SHISA9: variants seen among roughly 807,000 people sequenced by gnomAD.
SHISA9 encodes protein shisa-9.
In SHISA9, 13 loss-of-function variants were observed where a neutral mutation model predicts 38.0. That is an observed-to-expected ratio of 0.34 (90% CI 0.22 to 0.54). SHISA9 has a LOEUF of 0.54. SHISA9 is among the 20% of genes least tolerant of loss of function. SHISA9 has a pLI of 0.91. For missense variants in SHISA9, 538 were observed against 575.8 expected (o/e 0.93, Z 0.67); for synonymous variants, 275 against 242.0 (o/e 1.14, Z -1.27).
chr16:13,500,566 A>C, the SHISA9 span, among the ~76,000 whole-genome samples: 1 of 151,346 alleles, frequency 6.6e-6, no homozygotes. Context: ...AAGTGAGAGA[A>C]AGAGAAATAG....
At chr16:13,233,198 A>G (rs1250233371) in intron 4 of SHISA9, among the ~76,000 whole-genome samples, 2 of 152,144 alleles carry the variant, frequency 1.3e-5, no homozygotes, top group Non-Finnish European at 2.9e-5. Flanking sequence ...CAGACCCCTT[A>G]GATAGAAATC....
rs566146949 is a variant in SHISA9 at position 13,158,756 on chromosome 16, A to T, written c.692-44638A>T. On this transcript the variant is annotated intron_variant, in intron 2 of 4. Transcript: ENST00000558583. ...AACATAGGAGAAGGTGATGAAGATGATTTTAAAAACACAGCAAAGCCCAGG... is the reference window on the plus strand; with the variant it reads ...AACATAGGAGAAGGTGATGAAGATGTTTTTAAAAACACAGCAAAGCCCAGG... 2.0e-5 allele frequency among the ~76,000 whole-genome samples: 3 copies of T among 152,252 alleles called. 1 individual carries two copies. Among genetic ancestry groups the T allele is most frequent in the African/African-American group, 7.2e-5 (3 of 41,560 alleles).
At chr16:13,507,021 T>C in the SHISA9 span, among the ~76,000 whole-genome samples, 702 of 151,966 alleles carry the variant, frequency 4.6e-3, 7 homozygotes, top group African/African-American at 0.016. Flanking sequence ...CCCTGCTGGG[T>C]AACAGAACAA....
chr16:13,065,515 G>T (rs1275388520), intron 2 of SHISA9, among the ~76,000 whole-genome samples: 1 of 152,224 alleles, frequency 6.6e-6, no homozygotes, highest in Non-Finnish European at 1.5e-5. Context: ...TTTAGCACTT[G>T]ATATAAAAAA....
intron 2 of SHISA9, among the ~76,000 whole-genome samples, chr16:13,069,273 C>T (rs549741760): frequency 2.3e-4 from 34 of 149,546 alleles, no homozygotes; most frequent in African/African-American, 7.7e-4. Context: ...GCAATGTGTG[C>T]GTGTGTGTAC....
At chr16:13,123,573 ATCTT>A (rs961886513) in intron 2 of SHISA9, among the ~76,000 whole-genome samples, 2 of 152,260 alleles carry the variant, frequency 1.3e-5, no homozygotes, top group Non-Finnish European at 2.9e-5. Flanking sequence ...GGTGGATTCT[ATCTT>A]TGTGAAAACA....
intron 2 of SHISA9, among the ~76,000 whole-genome samples, chr16:13,038,129 A>G (rs1337014154): frequency 6.6e-6 from 1 of 152,160 alleles, no homozygotes. Flanking sequence ...AGCTGGGATT[A>G]CAGGTGTGCA....
At chr16:13,211,323 A>AG (rs765659174) in intron 3 of SHISA9, among the ~76,000 whole-genome samples, 113 of 144,124 alleles carry the variant, frequency 7.8e-4, no homozygotes, top group Admixed American at 1.7e-3. Flanking sequence ...GAAAAAAAAA[A>AG]GAAAGTAAAA....
intron 2 of SHISA9, among the ~76,000 whole-genome samples, chr16:12,988,181 A>G (rs1482975701): frequency 6.6e-6 from 1 of 152,226 alleles, no homozygotes; most frequent in Non-Finnish European, 1.5e-5. Context: ...TGACATTTCC[A>G]GATCAAATTC....
chr16:13,010,762 G>C (rs2141851953), intron 2 of SHISA9, among the ~76,000 whole-genome samples: 1 of 152,242 alleles, frequency 6.6e-6, no homozygotes, highest in African/African-American at 2.4e-5. Context: ...GACCGGTCTG[G>C]CCAACATGGT....
intron 4 of SHISA9, among the ~76,000 whole-genome samples, chr16:13,218,072 AAAAG>A (rs1199120182): frequency 2.6e-5 from 4 of 151,990 alleles, no homozygotes; most frequent in African/African-American, 7.3e-5. Context: ...AGGAAGGAAA[AAAAG>A]AAGGAAGGAA....
At chr16:13,099,954 C>T (rs1159766247) in intron 2 of SHISA9, among the ~76,000 whole-genome samples, 6 of 152,194 alleles carry the variant, frequency 3.9e-5, no homozygotes, top group Admixed American at 3.9e-4. Context: ...TTTCCTTTTA[C>T]ACCTTAGGCA....
the SHISA9 span, among the ~76,000 whole-genome samples, chr16:13,255,439 T>C: frequency 6.6e-6 from 1 of 152,226 alleles, no homozygotes; most frequent in Non-Finnish European, 1.5e-5. Flanking sequence ...CTCTTTCATA[T>C]ACATACAAAG....
the SHISA9 span, among the ~76,000 whole-genome samples, chr16:13,425,915 G>A: frequency 1.3e-5 from 2 of 152,140 alleles, no homozygotes; most frequent in Non-Finnish European, 2.9e-5. Flanking sequence ...GCCTGATCCT[G>A]CAAGCCTAGA....
chr16:13,040,346 G>A (rs1451101036), intron 2 of SHISA9, among the ~76,000 whole-genome samples: 1 of 152,128 alleles, frequency 6.6e-6, no homozygotes, highest in Non-Finnish European at 1.5e-5. Flanking sequence ...CAGGGCCTTT[G>A]CACTGGCTGT....
intron 2 of SHISA9, among the ~76,000 whole-genome samples, chr16:12,967,587 A>G (rs1239516453): frequency 6.6e-6 from 1 of 151,820 alleles, no homozygotes; most frequent in Non-Finnish European, 1.5e-5. Context: ...AAAATAAATA[A>G]ATATTATTAT....
At chr16:13,307,731 T>C in the SHISA9 span, among the ~76,000 whole-genome samples, 1 of 152,222 alleles carries the variant, frequency 6.6e-6, no homozygotes, top group Non-Finnish European at 1.5e-5. Context: ...CAATAAGTTG[T>C]TTAGATGTGT....
intron 2 of SHISA9, among the ~76,000 whole-genome samples, chr16:13,149,533 A>G (rs185831803): frequency 6.6e-6 from 1 of 152,196 alleles, no homozygotes; most frequent in East Asian, 1.9e-4. Context: ...CACCTCATCT[A>G]TTAGCTCTAC....
the SHISA9 span, among the ~76,000 whole-genome samples, chr16:13,528,549 C>T: frequency 6.6e-6 from 1 of 152,170 alleles, no homozygotes; most frequent in South Asian, 2.1e-4. Flanking sequence ...GACCTTTCCT[C>T]ATATGAATCC....
Sources: gnomAD v4.1 joint callset for allele counts (sites outside exome capture counted in the v4.1 genomes callset) on GRCh38, gnomAD v4.1.1 for gene constraint, MANE v1.5 for transcripts, NCBI Gene and HGNC (gene_info 2026-07-23, HGNC 2026-07-21) for gene names.